CDK11A: variants seen among roughly 807,000 people sequenced by gnomAD.
CDK11A encodes the protein cyclin dependent kinase 11A.
A neutral mutation model predicts 83.6 loss-of-function variants in CDK11A; 55 were observed. The observed-to-expected ratio is 0.66, with a 90% CI of 0.53 to 0.82. The LOEUF (loss-of-function observed/expected upper bound fraction) is 0.82, where lower values mean the gene tolerates loss of function less well. CDK11A is among the 40% of genes least tolerant of loss of function. CDK11A has a pLI of 0.00. For missense variants in CDK11A, 564 were observed against 810.1 expected (o/e 0.70, Z 3.69); for synonymous variants, 247 against 302.7 (o/e 0.82, Z 1.91).
At position 1,704,546 on chromosome 1, in the gene CDK11A, G is replaced by A. The variant is rs1644234265; in HGVS notation, c.1564+4C>T. ...GCAGACAGGACCCCGGGGCGCGGCTGTACCTGGCAGGAAGGGCTGTTTCAT... is the reference window on the plus strand; with the variant it reads ...GCAGACAGGACCCCGGGGCGCGGCTATACCTGGCAGGAAGGGCTGTTTCAT... On this transcript the variant is annotated splice_donor_region_variant and intron_variant, in intron 14 of 19. Coordinates refer to ENST00000404249, the MANE Select transcript of CDK11A (RefSeq NM_024011.4). 6.2e-7 allele frequency: 1 copy of A among 1,604,668 alleles called. No homozygotes were observed.
At chr1:1,710,626 C>G (rs1421215626) in intron 6 of CDK11A, among the ~76,000 whole-genome samples, 11 of 149,334 alleles carry the variant, frequency 7.4e-5, no homozygotes, top group African/African-American at 2.7e-4. Flanking sequence ...AAAAAAGAAG[C>G]CAACAGACAC....
At chr1:1,706,698 T>C (rs1228336132) in intron 11 of CDK11A, among the ~76,000 whole-genome samples, 1 of 151,292 alleles carries the variant, frequency 6.6e-6, no homozygotes, top group African/African-American at 2.4e-5. Context: ...TTGGGGCCGG[T>C]GCCCAGGCCG....
intron 2 of CDK11A, among the ~76,000 whole-genome samples, chr1:1,722,255 C>T (rs1644932834): frequency 6.6e-6 from 1 of 150,968 alleles, no homozygotes; most frequent in African/African-American, 2.4e-5. Flanking sequence ...TCACTAACAT[C>T]CCAAATGATG....
In CDK11A at chr1:1,707,477, G is replaced by A; in HGVS notation, c.1177C>T (p.Pro393Ser). 1 of 1,607,082 alleles carries A rather than the reference G, an allele frequency of 6.2e-7. No homozygotes were observed. Among genetic ancestry groups the A allele is most frequent in the Non-Finnish European group, 8.5e-7 (1 of 1,175,682 alleles). The part of the protein sequence containing the change: ...SSALTEGDYV[P>S]DSPALLPIEL... ...ATGGGCAACAGGGCAGGGGAGTCGGGCACATAGTCGCCCTCTGTCAGGGCG... is the reference window on the plus strand; with the variant it reads ...ATGGGCAACAGGGCAGGGGAGTCGGACACATAGTCGCCCTCTGTCAGGGCG... The change falls in exon 11 of 20, where the codon CCC becomes TCC. Residue 393 changes from proline to serine, a missense_variant. Coordinates refer to ENST00000404249, the MANE Select transcript of CDK11A (RefSeq NM_024011.4).
chr1:1,710,367 C>T (rs1321581350), intron 6 of CDK11A, among the ~76,000 whole-genome samples: 4 of 44,122 alleles, frequency 9.1e-5, no homozygotes, highest in Non-Finnish European at 2.0e-4. Context: ...TCTGTATTGA[C>T]GGGAACGTTA....
Position 1,723,235 on chromosome 1 carries a change from T to TA in CDK11A, c.-13-405dup, listed in dbSNP as rs1164936993. ...CCTAGATAACAAAGTAAGACTTGGT[T>TA]AAAAAAAAAAAAAAAAAAAGGTAAG... On this transcript the variant is annotated intron_variant, in intron 1 of 19. Transcript: ENST00000404249. 3.7e-3 allele frequency among the ~76,000 whole-genome samples: 180 copies of TA among 49,282 alleles called. 6 individuals carry two copies. Among genetic ancestry groups the TA allele is most frequent in the South Asian group, 7.3e-3 (10 of 1,376 alleles). 32.3% of individuals were successfully genotyped at this position (49,282 alleles called of 152,430 possible).
At chr1:1,706,207 G>A (rs1644303390) in intron 11 of CDK11A, among the ~76,000 whole-genome samples, 1 of 150,214 alleles carries the variant, frequency 6.7e-6, no homozygotes, top group Non-Finnish European at 1.5e-5. Context: ...CTAGTAGCTG[G>A]GAGTATAGGT....
rs570927461 is a variant in CDK11A, at chr1:1,716,422, C to A, written c.412G>T (p.Glu138Ter). 6.2e-7 allele frequency: 1 copy of A among 1,608,644 alleles called. No homozygotes were observed. Among genetic ancestry groups the A allele is most frequent in the African/African-American group, 1.3e-5 (1 of 74,630 alleles). Residue 138 changes from glutamate (E) to a stop codon, truncating the protein, a stop_gained, in exon 5 of 20, where the codon GAA becomes TAA. Coordinates refer to ENST00000404249, the MANE Select transcript of CDK11A (RefSeq NM_024011.4). LOFTEE classifies it high-confidence loss of function. ...EHERRKRHREEQDKARREWER... is the reference protein window; with the variant it reads ...EHERRKRHRE ...CATTCCCGGCGAGCTTTATCCTGTT[C>A]TTCTCGATGTCGTTTCCGACGTTCG...
chr1:1,713,018 T>C (rs569941747), intron 5 of CDK11A, among the ~76,000 whole-genome samples: 3,750 of 36,326 alleles, frequency 0.1, 1,257 homozygotes, highest in African/African-American at 0.17. Flanking sequence ...GGGTCTTGGT[T>C]TGTCACCCAG....
At chr1:1,706,096 G>A (rs1434625330) in intron 11 of CDK11A, among the ~76,000 whole-genome samples, 1 of 150,492 alleles carries the variant, frequency 6.6e-6, no homozygotes, top group African/African-American at 2.4e-5. Flanking sequence ...TTTTTGAGAT[G>A]GAGTCTCGCT....
At chr1:1,710,821 C>A in intron 6 of CDK11A, among the ~76,000 whole-genome samples, 1 of 115,542 alleles carries the variant, frequency 8.7e-6, no homozygotes, top group African/African-American at 2.9e-5. Flanking sequence ...AATTCCAGAG[C>A]TAATAAGTAC....
rs572960377 is a variant in CDK11A, at chr1:1,703,517, G to A, written c.2019C>T (p.Phe673=). ...EHPYNNLRKR[F]GALLSDQGFD... ...AGCCCTGGTCTGAGAGCAGAGCCCC[G>A]AAGCGCTTGCGGAGGTTGTTGTAGG... The change falls in exon 18 of 20, where the codon TTC becomes TTT. Residue 673 remains phenylalanine, a synonymous_variant. Transcript: ENST00000404249. 36 of 1,553,162 alleles carry A rather than the reference G, an allele frequency of 2.3e-5. No individual in the cohort carries two copies. Among genetic ancestry groups the A allele is most frequent in the Admixed American group, 3.7e-5 (2 of 54,034 alleles).
At chr1:1,704,403 G>A in intron 14 of CDK11A, 59 bp from the exon 15 acceptor site, 1 of 1,596,584 alleles carries the variant, frequency 6.3e-7, no homozygotes, top group Non-Finnish European at 8.5e-7. Context: ...GGCACTCAGG[G>A]TGGCCCGCTC....
At chr1:1,718,460 C>A (rs150006505) in intron 4 of CDK11A, among the ~76,000 whole-genome samples, 2 of 135,536 alleles carry the variant, frequency 1.5e-5, no homozygotes, top group Non-Finnish European at 3.2e-5. Context: ...GACACACGCA[C>A]GCTTTCAGCT....
chr1:1,719,358 ATT>A lies in CDK11A; in HGVS notation c.323_324del (p.Lys108MetfsTer2). 6.5e-7 allele frequency: 1 copy of A among 1,533,806 alleles called. No individual in the cohort carries two copies. Among genetic ancestry groups the A allele is most frequent in the Non-Finnish European group, 8.7e-7 (1 of 1,144,570 alleles). On this transcript the variant is annotated frameshift_variant, in exon 4 of 20. Transcript: ENST00000404249. LOFTEE classifies it high-confidence loss of function. ...HHRKDEKRKE[K>X]CRHHSHSAEG... ...TCTGCTGAATGGCTATGATGCCTAC[ATT>A]TTTCTTTTCTCTTTTCATCTTTTCT...
At chr1:1,718,060 T>C (rs111407871) in intron 4 of CDK11A, among the ~76,000 whole-genome samples, 36 of 137,356 alleles carry the variant, frequency 2.6e-4, no homozygotes, top group South Asian at 4.9e-4. Flanking sequence ...TCTATAGCCC[T>C]TCTGAATGGT....
intron 4 of CDK11A, among the ~76,000 whole-genome samples, chr1:1,718,461 G>T (rs553498962): frequency 1.3e-5 from 2 of 148,290 alleles, no homozygotes; most frequent in Non-Finnish European, 3.0e-5. Context: ...ACACACGCAC[G>T]CTTTCAGCTA....
intron 17 of CDK11A, 45 bp from the exon 18 acceptor site, chr1:1,703,669 G>C: frequency 7.7e-6 from 12 of 1,564,614 alleles, no homozygotes; most frequent in Non-Finnish European, 1.0e-5. Context: ...GTGGCCCACA[G>C]TGTTGGCACC....
At chr1:1,715,848 G>A (rs924590669) in intron 5 of CDK11A, among the ~76,000 whole-genome samples, 2 of 150,802 alleles carry the variant, frequency 1.3e-5, no homozygotes, top group African/African-American at 4.9e-5. Context: ...CTCATAAAGG[G>A]GAACGAATAT....
Sources: gnomAD v4.1 joint callset for allele counts (sites outside exome capture counted in the v4.1 genomes callset) on GRCh38, gnomAD v4.1.1 for gene constraint, MANE v1.5 for transcripts, NCBI Gene and HGNC (gene_info 2026-07-23, HGNC 2026-07-21) for gene names.